The following SHTN1 variants were observed in gnomAD, a reference collection of about 807,000 sequenced individuals.
SHTN1 encodes shootin-1.
SHTN1 carries 42 observed loss-of-function variants against 83.1 expected under a neutral mutation model. The ratio of observed to expected loss-of-function variants is 0.51; its 90% CI spans 0.39 to 0.65. The LOEUF (loss-of-function observed/expected upper bound fraction) is 0.65, where lower values mean the gene tolerates loss of function less well. Among genes scored for constraint, SHTN1 ranks in the 30% least tolerant of loss-of-function variants. SHTN1 has a pLI of 0.00. For missense variants in SHTN1, 622 were observed against 737.8 expected (o/e 0.84, Z 1.82); for synonymous variants, 224 against 247.7 (o/e 0.90, Z 0.90).
chr10:117,103,685 C>A (rs1327121099), intron 1 of SHTN1, among the ~76,000 whole-genome samples: 1 of 151,518 alleles, frequency 6.6e-6, no homozygotes, highest in African/African-American at 2.4e-5. Flanking sequence ...TACAGGTGCC[C>A]ACCACCACGC....
At chr10:116,932,214 A>T (rs1564883423) in intron 9 of SHTN1, among the ~76,000 whole-genome samples, 1 of 152,192 alleles carries the variant, frequency 6.6e-6, no homozygotes, top group Non-Finnish European at 1.5e-5. Context: ...AGGGTTCCCC[A>T]ACCCCCAGGT....
chr10:116,965,998 A>AT lies in SHTN1; in HGVS notation c.172+2653dup, dbSNP rs200151900. 2.4e-3 allele frequency among the ~76,000 whole-genome samples: 359 copies of AT among 151,516 alleles called. 9 individuals carry two copies. The East Asian group carries it at 0.041, about 17-fold the overall frequency. ...AATATTTAAAGTTTTCTTAGTCCTT[A>AT]TTTTTTTTGTTTTTTTGGGGTTTTT... On this transcript the variant is annotated intron_variant, in intron 3 of 16. Transcript: ENST00000355371.
At chr10:117,094,793 C>T (rs1027702748) in intron 1 of SHTN1, among the ~76,000 whole-genome samples, 4 of 152,110 alleles carry the variant, frequency 2.6e-5, no homozygotes, top group African/African-American at 9.7e-5. Flanking sequence ...ATTAATTAAG[C>T]ACATATTCAT....
chr10:117,083,575 A>G (rs1290533387), intron 1 of SHTN1, among the ~76,000 whole-genome samples: 7 of 150,988 alleles, frequency 4.6e-5, no homozygotes, highest in South Asian at 2.1e-4. Flanking sequence ...GAATCTGAAC[A>G]TTGGCCTGCC....
chr10:117,043,030 A>T (rs1852608788), intron 2 of SHTN1, among the ~76,000 whole-genome samples: 1 of 152,118 alleles, frequency 6.6e-6, no homozygotes, highest in Non-Finnish European at 1.5e-5. Context: ...AAAATGAAGG[A>T]CACCATAAGT....
chr10:116,899,652 C>A (rs890729327), intron 16 of SHTN1, among the ~76,000 whole-genome samples: 11 of 152,118 alleles, frequency 7.2e-5, no homozygotes, highest in African/African-American at 2.7e-4. Flanking sequence ...GCCAATAGCG[C>A]CACTCACGTG....
Position 116,931,646 on chromosome 10 carries a change from C to T in SHTN1, c.859-1644G>A, listed in dbSNP as rs1035438566. On this transcript the variant is annotated intron_variant, in intron 9 of 16. Coordinates refer to ENST00000355371, the MANE Select transcript of SHTN1 (RefSeq NM_001127211.3). ...TATAGCATGTTTATTCAATGAAATA[C>T]TATGCAACTTTTAAATCACATAGCT... Among the ~76,000 whole-genome samples the T allele has an allele frequency of 2.6e-5, 4 of 152,072 alleles. No homozygotes were observed. The South Asian group carries it at 8.3e-4, about 32-fold the overall frequency.
In SHTN1 at chr10:117,024,960, T is replaced by C. The variant is rs563788532; in HGVS notation, c.-123+23485A>G. On this transcript the variant is annotated intron_variant, in intron 2 of 17. Coordinates refer to the SHTN1 transcript ENST00000392901. Reference sequence around the variant, plus strand: ...TAATAAAATTTTGGGGAAAAAAACATACAATTTACAATATCATCAAAAAAT... The same window carrying C: ...TAATAAAATTTTGGGGAAAAAAACACACAATTTACAATATCATCAAAAAAT... 2.6e-5 allele frequency among the ~76,000 whole-genome samples: 4 copies of C among 152,258 alleles called. No homozygotes were observed. In the South Asian group the frequency reaches 8.3e-4, roughly 32 times the overall value.
intron 9 of SHTN1, among the ~76,000 whole-genome samples, chr10:116,931,440 G>A (rs1005104570): frequency 2.0e-5 from 3 of 152,020 alleles, no homozygotes; most frequent in Admixed American, 6.6e-5. Flanking sequence ...GTAGAGACAG[G>A]GTTTCACCAC....
chr10:117,093,155 C>T (rs1853457806), intron 1 of SHTN1, among the ~76,000 whole-genome samples: 1 of 152,182 alleles, frequency 6.6e-6, no homozygotes, highest in Non-Finnish European at 1.5e-5. Flanking sequence ...ATACTACCAT[C>T]ATCCCATATT....
chr10:117,005,297 G>GGGCGA (rs1305706526), upstream of SHTN1: 8 of 1,421,498 alleles, frequency 5.6e-6, no homozygotes, highest in African/African-American at 1.2e-4. Context: ...AGGCGGGGCG[G>GGGCGA]GGCGGGCCCA....
intron 1 of SHTN1, among the ~76,000 whole-genome samples, chr10:116,992,353 T>C (rs752369801): frequency 2.7e-4 from 41 of 152,172 alleles, no homozygotes; most frequent in Non-Finnish European, 5.4e-4. Context: ...AAAACAACTC[T>C]CCTTGTCTTG....
chr10:116,921,820 C>T (rs1202268931), intron 11 of SHTN1, among the ~76,000 whole-genome samples: 1 of 151,872 alleles, frequency 6.6e-6, no homozygotes, highest in Non-Finnish European at 1.5e-5. Flanking sequence ...AATTCAGAAA[C>T]AGCTATCTAT....
At chr10:117,097,127 A>G (rs1333380225) in intron 1 of SHTN1, among the ~76,000 whole-genome samples, 1 of 152,186 alleles carries the variant, frequency 6.6e-6, no homozygotes, top group Non-Finnish European at 1.5e-5. Flanking sequence ...TCTTCATTTC[A>G]TAACTTCATC....
At chr10:116,988,275 TAA>T (rs922005599) in intron 1 of SHTN1, among the ~76,000 whole-genome samples, 1 of 150,908 alleles carries the variant, frequency 6.6e-6, no homozygotes, top group Non-Finnish European at 1.5e-5. Context: ...TCTAAACTTC[TAA>T]AAAAAAGTCT....
rs190041745 is a variant in SHTN1 at position 116,995,835 on chromosome 10, C to T, written c.58+9187G>A. 7.5e-4 allele frequency among the ~76,000 whole-genome samples: 114 copies of T among 152,128 alleles called. 1 individual carries two copies. The highest frequency in any genetic ancestry group is 2.7e-3 in the African/African-American group (114 of 41,502). On this transcript the variant is annotated intron_variant, in intron 1 of 16. Coordinates refer to ENST00000355371, the MANE Select transcript of SHTN1 (RefSeq NM_001127211.3). ...CTTGAATACATGGTTCAAATGGTTG[C>T]CTTATAGGGTAAAGAATGTCACCTT...
At chr10:116,982,672 T>G (rs1851067304) in intron 1 of SHTN1, among the ~76,000 whole-genome samples, 1 of 152,152 alleles carries the variant, frequency 6.6e-6, no homozygotes, top group Non-Finnish European at 1.5e-5. Context: ...AAGAGATTAA[T>G]CTGGCCGGGC....
At chr10:117,094,796 A>G (rs1380609362) in intron 1 of SHTN1, among the ~76,000 whole-genome samples, 2 of 152,244 alleles carry the variant, frequency 1.3e-5, no homozygotes, top group Non-Finnish European at 2.9e-5. Flanking sequence ...AATTAAGCAC[A>G]TATTCATTAA....
intron 1 of SHTN1, among the ~76,000 whole-genome samples, chr10:117,050,069 G>C (rs529820754): frequency 2.6e-5 from 4 of 152,182 alleles, no homozygotes; most frequent in Non-Finnish European, 4.4e-5. Context: ...GTATGAGCCT[G>C]TAGTTTCAGC....
Sources: allele counts gnomAD v4.1 joint callset (sites outside exome capture counted in the v4.1 genomes callset), GRCh38; gene constraint gnomAD v4.1.1; transcripts MANE v1.5; gene names NCBI Gene and HGNC (gene_info 2026-07-23, HGNC 2026-07-21).